TNMD: variants seen among roughly 807,000 people sequenced by gnomAD.
The protein encoded by TNMD is tenomodulin, also known as BRICHOS domain containing 4.
Under a neutral mutation model 26.9 loss-of-function variants are expected in TNMD, and 15 were observed. The observed-to-expected ratio is 0.56, with a 90% confidence interval of 0.37 to 0.86. The LOEUF is 0.86. Among genes scored for constraint, TNMD ranks in the 40% least tolerant of loss-of-function variants. The pLI is 0.00. For missense variants in TNMD, 222 were observed against 242.6 expected, an observed-to-expected ratio of 0.92 and a Z score of 0.56; for synonymous variants, 73 against 77.0, an observed-to-expected ratio of 0.95 and a Z score of 0.27.
At chrX:100,591,642 G>A (rs2082938090) in intron 2 of TNMD, among the ~76,000 whole-genome samples, 1 of 111,213 alleles carries the variant, frequency 9.0e-6, no homozygotes, top group African/African-American at 3.3e-5. Context: ...ATTCTGTCTG[G>A]GTGAATATAT....
chrX:100,590,812 C>G (rs1205137699), intron 2 of TNMD, among the ~76,000 whole-genome samples: 1 of 111,846 alleles, frequency 8.9e-6, no homozygotes, highest in East Asian at 2.8e-4. Flanking sequence ...ATCTCCCATT[C>G]CTCGTGCCAC....
intron 5 of TNMD, 106 bp from the exon 6 acceptor site, chrX:100,598,910 A>G: frequency 1.6e-6 from 1 of 639,084 alleles, no homozygotes; most frequent in Non-Finnish European, 2.3e-6. Flanking sequence ...GATGCCAGTT[A>G]GAAGACACAA....
At chrX:100,593,508 A>G in intron 2 of TNMD, 1 of 356,653 alleles carries the variant, frequency 2.8e-6, no homozygotes, top group South Asian at 1.4e-4. Context: ...GAGACAAAAA[A>G]CACTTAACCA....
At chrX:100,597,754 G>A in intron 5 of TNMD, 97 bp downstream of exon 5, 1 of 940,014 alleles carries the variant, frequency 1.1e-6, no homozygotes, top group Non-Finnish European at 1.5e-6. Flanking sequence ...GAAAACAAAT[G>A]ATCGGTTTAT....
At chrX:100,593,845 T>C (rs1407492583) in intron 2 of TNMD, 50 bp from the exon 3 acceptor site, 2 of 1,188,021 alleles carry the variant, frequency 1.7e-6, no homozygotes, top group South Asian at 1.9e-5. Flanking sequence ...AGCACCTCAC[T>C]TTAGGGACAC....
chrX:100,589,545 T>C (rs746594289), intron 2 of TNMD, among the ~76,000 whole-genome samples: 4 of 110,772 alleles, frequency 3.6e-5, no homozygotes, highest in African/African-American at 1.3e-4. Flanking sequence ...AGTCAGTCTC[T>C]TCATTCTCCT....
At chrX:100,593,128 A>T (rs2082942631) in intron 2 of TNMD, among the ~76,000 whole-genome samples, 1 of 111,713 alleles carries the variant, frequency 9.0e-6, no homozygotes, top group South Asian at 3.8e-4. Context: ...GCAGGAGAAA[A>T]TCTGGGGTTT....
chrX:100,592,684 T>C (rs1191110171), intron 2 of TNMD, among the ~76,000 whole-genome samples: 1 of 111,854 alleles, frequency 8.9e-6, no homozygotes. Flanking sequence ...TTTTCTCTAG[T>C]TGAGTTGGTG....
chrX:100,596,762 T>C (rs2082954250), intron 4 of TNMD, among the ~76,000 whole-genome samples: 1 of 111,873 alleles, frequency 8.9e-6, no homozygotes, highest in Admixed American at 9.5e-5. Context: ...CGGGAGAAAT[T>C]AGTAAGAACT....
chrX:100,592,058 C>T, intron 2 of TNMD, among the ~76,000 whole-genome samples: 1 of 111,428 alleles, frequency 9.0e-6, no homozygotes, highest in South Asian at 3.8e-4. Flanking sequence ...CTCATTTTTC[C>T]ATACAATAAT....
Position 100,593,936 on chromosome X carries a change from G to GA in TNMD, c.224dup (p.Lys76GlufsTer7). The GA allele has an allele frequency of 8.3e-7, 1 of 1,210,584 alleles. No homozygotes were observed. Among genetic ancestry groups the GA allele is most frequent in the Non-Finnish European group, 1.1e-6 (1 of 894,757 alleles). ...ACACTTTCTACAGCAATGGAGAGAA[G>GA]AAGAAGATTTACATGGAAATTGATC... is the stretch of plus-strand genomic sequence containing the variant. On this transcript the variant is annotated frameshift_variant, in exon 3 of 7. Coordinates refer to ENST00000373031, the MANE Select transcript of TNMD (RefSeq NM_022144.3). LOFTEE classifies it high-confidence loss of function.
At chrX:100,597,948 T>G (rs766735235) in intron 5 of TNMD, among the ~76,000 whole-genome samples, 15 of 112,103 alleles carry the variant, frequency 1.3e-4, no homozygotes, top group Non-Finnish European at 2.6e-4. Flanking sequence ...CTATATTCAT[T>G]GCAGTCGGTA....
rs369654596 is a variant in TNMD at position 100,585,347 on chromosome X, G to A, written c.165G>A (p.Pro55=). The A allele has an allele frequency of 1.3e-4, 151 of 1,207,551 alleles. No individual in the cohort carries two copies. Among genetic ancestry groups the A allele is most frequent in the Non-Finnish European group, 1.6e-4 (142 of 894,295 alleles). Residue 55 remains proline (P), a synonymous_variant, in exon 2 of 7, where the codon CCG becomes CCA. Coordinates refer to ENST00000373031, the MANE Select transcript of TNMD (RefSeq NM_022144.3). ...VLFWGSKHFW[P]EVPKKAYDME... ...TTTGGGGGAGCAAGCACTTCTGGCC[G>A]GAGGTACCCAAAAAAGTAAGTAAAT... is the stretch of plus-strand genomic sequence containing the variant.
At chrX:100,593,796 A>G in intron 2 of TNMD, 99 bp from the exon 3 acceptor site, 1 of 873,534 alleles carries the variant, frequency 1.1e-6, no homozygotes, top group East Asian at 3.3e-5. Flanking sequence ...TCAAAATACC[A>G]GCTCTGAAGG....
Position 100,599,037 on chromosome X carries a change from A to C in TNMD, c.599A>C (p.Glu200Ala). ...LISVSELQDF[E>A]EEGEDLHFPA... ...TTAGTTTCTGAGTTACAAGACTTTG[A>C]GGAGGAGGGAGAAGATCTTCACTTT... is the stretch of plus-strand genomic sequence containing the variant. Residue 200 changes from glutamate to alanine, a missense_variant, in exon 6 of 7, where the codon GAG becomes GCG. Physicochemically the swap from Glu to Ala is moderately radical, Grantham distance 107. Transcript: ENST00000373031. The C allele has an allele frequency of 8.3e-7, 1 of 1,202,924 alleles. No homozygotes were observed. Among genetic ancestry groups the C allele is most frequent in the South Asian group, 1.8e-5 (1 of 54,746 alleles).
At chrX:100,599,460 A>T in intron 6 of TNMD, 48 bp from the exon 7 acceptor site, 1 of 1,092,120 alleles carries the variant, frequency 9.2e-7, no homozygotes, top group Non-Finnish European at 1.2e-6. Context: ...AACTCTTGCT[A>T]GTGAACCTTC....
At chrX:100,593,310 G>A (rs1015659319) in intron 2 of TNMD, 2 of 748,711 alleles carry the variant, frequency 2.7e-6, no homozygotes, top group South Asian at 6.8e-5. Context: ...GGAATAAACT[G>A]GGTGGGGTTG....
chrX:100,597,442 T>C, intron 4 of TNMD, 62 bp from the exon 5 acceptor site: 1 of 1,135,223 alleles, frequency 8.8e-7, no homozygotes, highest in Non-Finnish European at 1.2e-6. Context: ...CATCCCATAA[T>C]GTCTCACTTG....
intron 4 of TNMD, among the ~76,000 whole-genome samples, chrX:100,595,304 G>C (rs1159299071): frequency 9.0e-6 from 1 of 110,734 alleles, no homozygotes; most frequent in Admixed American, 9.6e-5. Flanking sequence ...ATTTTTAGTA[G>C]AGACGGGGTT....
Sources: allele counts gnomAD v4.1 joint callset (sites outside exome capture counted in the v4.1 genomes callset), GRCh38; gene constraint gnomAD v4.1.1; transcripts MANE v1.5; gene names NCBI Gene and HGNC (gene_info 2026-07-23, HGNC 2026-07-21).